SLC2A9: variants seen among roughly 807,000 people sequenced by gnomAD.
SLC2A9 encodes solute carrier family 2 member 9.
Under a neutral mutation model 50.6 loss-of-function variants are expected in SLC2A9, and 39 were observed. The observed-to-expected ratio is 0.77, with a 90% CI of 0.60 to 1.01. SLC2A9 has a LOEUF of 1.01. Ranked by LOEUF, SLC2A9 falls within the 50% of genes least tolerant of loss-of-function variation. The pLI is 0.00. For missense variants in SLC2A9, 686 were observed against 677.6 expected (o/e 1.01, Z -0.14); for synonymous variants, 324 against 276.9 (o/e 1.17, Z -1.69).
At chr4:9,884,603 T>G (rs1332698287) in intron 10 of SLC2A9, among the ~76,000 whole-genome samples, 3 of 152,182 alleles carry the variant, frequency 2.0e-5, no homozygotes, top group African/African-American at 7.2e-5. Context: ...CCCTTCAGTT[T>G]TGACTTTAAG....
At chr4:9,864,513 G>C (rs1560208345) in intron 10 of SLC2A9, among the ~76,000 whole-genome samples, 1 of 152,148 alleles carries the variant, frequency 6.6e-6, no homozygotes, top group African/African-American at 2.4e-5. Flanking sequence ...CTATGAGTTG[G>C]AACTTTATTG....
intron 3 of SLC2A9, among the ~76,000 whole-genome samples, chr4:9,805,826 G>A (rs1722048654): frequency 6.6e-6 from 1 of 151,960 alleles, no homozygotes. Flanking sequence ...CTTATTAAGT[G>A]CTGGGCACTG....
At chr4:10,018,569 T>C (rs964986668) in intron 2 of SLC2A9, among the ~76,000 whole-genome samples, 34 of 150,804 alleles carry the variant, frequency 2.3e-4, no homozygotes, top group African/African-American at 7.8e-4. Context: ...GATAGATAGA[T>C]AGATAGATAG....
chr4:10,032,428 C>A (rs1003041017), intron 1 of SLC2A9, among the ~76,000 whole-genome samples: 2 of 151,930 alleles, frequency 1.3e-5, no homozygotes, highest in African/African-American at 4.8e-5. Context: ...TGTGGGACTG[C>A]AGCCTAAGAG....
rs145107539 is a variant in SLC2A9 at position 9,945,356 on chromosome 4, G to A, written c.682-3311C>T. Among the ~76,000 whole-genome samples the A allele has an allele frequency of 2.4e-4, 37 of 152,330 alleles. No homozygotes were observed. The East Asian group carries it at 6.9e-3, about 29-fold the overall frequency. On this transcript the variant is annotated intron_variant, in intron 5 of 11. Coordinates refer to ENST00000264784, the MANE Select transcript of SLC2A9 (RefSeq NM_020041.3). ...AGGATTTAGTCCATGAATGGATGTC[G>A]GGAGTGCTGAGCACAGGCCTGCACA... is the stretch of plus-strand genomic sequence containing the variant.
intron 10 of SLC2A9, among the ~76,000 whole-genome samples, chr4:9,863,792 T>G (rs938963518): frequency 5.9e-5 from 9 of 152,072 alleles, no homozygotes; most frequent in African/African-American, 2.2e-4. Flanking sequence ...AGAGTGACTT[T>G]ACTTTAAATG....
chr4:9,870,335 C>T (rs1240221341), intron 10 of SLC2A9, among the ~76,000 whole-genome samples: 2 of 152,218 alleles, frequency 1.3e-5, no homozygotes, highest in Admixed American at 6.5e-5. Context: ...AGCTGGATTC[C>T]CAGGGATTGC....
intron 10 of SLC2A9, among the ~76,000 whole-genome samples, chr4:9,845,427 C>CTTTTTTTT (rs1175166447): frequency 1.3e-4 from 14 of 108,676 alleles, no homozygotes; most frequent in African/African-American, 4.9e-4. Flanking sequence ...TCATCAATTT[C>CTTTTTTTT]TTTTTTTTTT....
At chr4:9,850,595 C>A (rs1486549144) in intron 10 of SLC2A9, among the ~76,000 whole-genome samples, 1 of 152,130 alleles carries the variant, frequency 6.6e-6, no homozygotes, top group Non-Finnish European at 1.5e-5. Context: ...TGCCAGCAGA[C>A]CATGTCAGAC....
rs965664757 is a variant in SLC2A9 at position 9,863,027 on chromosome 4, G to A, written c.1291+24540C>T. On this transcript the variant is annotated intron_variant, in intron 10 of 11. Coordinates refer to ENST00000264784, the MANE Select transcript of SLC2A9 (RefSeq NM_020041.3). ...TGTGCCCCGCCCAGGGAGGCCAACT[G>A]TTATCAGTGTACATGTCTTCTTGAT... Among the ~76,000 whole-genome samples the A allele has an allele frequency of 3.3e-5, 5 of 152,060 alleles. 1 individual carries two copies. The highest frequency in any genetic ancestry group is 2.6e-4 in the Admixed American group (4 of 15,278).
chr4:9,920,610 T>C (rs1333673346), intron 6 of SLC2A9, 38 bp from the exon 7 acceptor site: 1 of 1,612,684 alleles, frequency 6.2e-7, no homozygotes, highest in African/African-American at 1.3e-5. Flanking sequence ...CAGCAGGGAT[T>C]AGAGTGTCCA....
chr4:9,823,431 CT>C (rs896547312), downstream of SLC2A9, among the ~76,000 whole-genome samples: 13 of 152,114 alleles, frequency 8.5e-5, no homozygotes, highest in African/African-American at 2.9e-4. Flanking sequence ...TGGAAAACAA[CT>C]TTTTTTTGTG....
chr4:9,921,851 G>A (rs1356451064), intron 6 of SLC2A9, among the ~76,000 whole-genome samples: 1 of 152,064 alleles, frequency 6.6e-6, no homozygotes, highest in Non-Finnish European at 1.5e-5. Flanking sequence ...GACTTCTGGG[G>A]TAGAAAACTA....
At chr4:9,822,914 T>G (rs568557381), downstream of SLC2A9, among the ~76,000 whole-genome samples, 230 of 152,292 alleles carry the variant, frequency 1.5e-3, no homozygotes, top group African/African-American at 5.5e-3. Flanking sequence ...CCATGTCCAT[T>G]GCACAGTTTC....
chr4:9,983,718 GC>G (rs1464188259), intron 4 of SLC2A9, among the ~76,000 whole-genome samples: 3 of 152,206 alleles, frequency 2.0e-5, no homozygotes, highest in South Asian at 4.1e-4. Flanking sequence ...ACTATTTGAA[GC>G]CATTAAGTTT....
At chr4:9,839,796 G>C (rs1560175911) in intron 10 of SLC2A9, among the ~76,000 whole-genome samples, 1 of 152,060 alleles carries the variant, frequency 6.6e-6, no homozygotes, top group Admixed American at 6.6e-5. Flanking sequence ...TGGACACATA[G>C]AGCGGAACAA....
intron 3 of SLC2A9, among the ~76,000 whole-genome samples, chr4:9,803,316 C>T (rs991930663): frequency 3.9e-5 from 6 of 152,228 alleles, no homozygotes; most frequent in Admixed American, 2.0e-4. Flanking sequence ...TGATGATATA[C>T]GGCACTTTGT....
At position 9,901,461 on chromosome 4, in the gene SLC2A9, C is replaced by T. The variant is rs552234600; in HGVS notation, c.1113+6774G>A. Among the ~76,000 whole-genome samples, 9 of 152,106 alleles carry T rather than the reference C, an allele frequency of 5.9e-5. No individual in the cohort carries two copies. In the South Asian group the frequency reaches 8.3e-4, roughly 14 times the overall value. ...GGCCTCTCTCCAAGCCTTGTGACAA[C>T]GCTGTTTCTACCCTTGTCACCCTCT... On this transcript the variant is annotated intron_variant, in intron 8 of 11. Coordinates refer to ENST00000264784, the MANE Select transcript of SLC2A9 (RefSeq NM_020041.3).
chr4:9,777,323 C>T (rs1344788542), downstream of SLC2A9, among the ~76,000 whole-genome samples: 1 of 147,800 alleles, frequency 6.8e-6, no homozygotes, highest in Non-Finnish European at 1.5e-5. Flanking sequence ...TAGATGGAAT[C>T]TCCCTCTGTT....
Sources: allele counts gnomAD v4.1 joint callset (sites outside exome capture counted in the v4.1 genomes callset), GRCh38; gene constraint gnomAD v4.1.1; transcripts MANE v1.5; gene names NCBI Gene and HGNC (gene_info 2026-07-23, HGNC 2026-07-21).